RANBP2: variants seen among roughly 807,000 people sequenced by gnomAD.
The protein encoded by RANBP2 is E3 SUMO-protein ligase RanBP2.
Under a neutral mutation model 303.6 loss-of-function variants are expected in RANBP2, and 57 were observed. That is an observed-to-expected ratio of 0.19 (90% CI 0.15 to 0.23). The LOEUF is 0.23. RANBP2 is among the 10% of genes least tolerant of loss of function. The pLI is 1.00. For missense variants in RANBP2, 3,138 were observed against 3,780.8 expected, an observed-to-expected ratio of 0.83 and a Z score of 4.46; for synonymous variants, 1,167 against 1,301.5, an observed-to-expected ratio of 0.90 and a Z score of 2.23.
chr2:109,172,995 G>A, the RANBP2 span, among the ~76,000 whole-genome samples: 1 of 152,214 alleles, frequency 6.6e-6, no homozygotes, highest in Non-Finnish European at 1.5e-5. Context: ...TTGTCTTCAC[G>A]CAGATGTCAG....
At chr2:108,966,545 A>T in the RANBP2 span, among the ~76,000 whole-genome samples, 1 of 152,216 alleles carries the variant, frequency 6.6e-6, no homozygotes, top group South Asian at 2.1e-4. Context: ...CCTGAAGACT[A>T]TGAGGAAGAG....
chr2:109,455,588 A>G, the RANBP2 span, among the ~76,000 whole-genome samples: 1 of 152,220 alleles, frequency 6.6e-6, no homozygotes, highest in Non-Finnish European at 1.5e-5. Context: ...ATGAAACCCC[A>G]GGAACATCCA....
At chr2:109,677,248 C>T in the RANBP2 span, among the ~76,000 whole-genome samples, 12 of 152,186 alleles carry the variant, frequency 7.9e-5, no homozygotes, top group South Asian at 6.2e-4. Context: ...GTGCTCCCCA[C>T]CCTTCAGACC....
chr2:108,911,892 C>A, the RANBP2 span, among the ~76,000 whole-genome samples: 1 of 152,242 alleles, frequency 6.6e-6, no homozygotes, highest in African/African-American at 2.4e-5. Context: ...AGCCTCCCAG[C>A]ATCATCTGGG....
At chr2:109,694,210 T>C in the RANBP2 span, among the ~76,000 whole-genome samples, 1 of 152,134 alleles carries the variant, frequency 6.6e-6, no homozygotes, top group Non-Finnish European at 1.5e-5. Flanking sequence ...TTCCTCAGGA[T>C]AGTGAGTTCT....
chr2:109,407,246 C>G, the RANBP2 span, among the ~76,000 whole-genome samples: 1 of 152,152 alleles, frequency 6.6e-6, no homozygotes, highest in Non-Finnish European at 1.5e-5. Flanking sequence ...AATAAGCAAC[C>G]CTTGGAAATT....
At chr2:109,525,700 C>T in the RANBP2 span, among the ~76,000 whole-genome samples, 8 of 152,122 alleles carry the variant, frequency 5.3e-5, no homozygotes, top group Admixed American at 4.6e-4. Flanking sequence ...TGTAAGATGC[C>T]AGAGAGGAGG....
the RANBP2 span, chr2:109,128,361 G>A: frequency 6.6e-6 from 1 of 152,268 alleles, no homozygotes; most frequent in East Asian, 1.9e-4. Flanking sequence ...GCCGCGGCGG[G>A]CGCTAGAGCC....
the RANBP2 span, among the ~76,000 whole-genome samples, chr2:108,793,672 C>CT: frequency 6.6e-6 from 1 of 151,720 alleles, no homozygotes; most frequent in Non-Finnish European, 1.5e-5. Context: ...TCTGGGCTCA[C>CT]TGTAAGCTCC....
At chr2:109,168,315 T>G in the RANBP2 span, among the ~76,000 whole-genome samples, 1 of 152,174 alleles carries the variant, frequency 6.6e-6, no homozygotes, top group African/African-American at 2.4e-5. Flanking sequence ...TTCTGGTCAT[T>G]TGGTGAGTGA....
the RANBP2 span, chr2:109,491,033 G>C: frequency 5.3e-5 from 64 of 1,205,608 alleles, no homozygotes; most frequent in Non-Finnish European, 6.9e-5. Context: ...GGCCTTGCTG[G>C]GATTAGGTTT....
At chr2:109,727,075 C>T in the RANBP2 span, among the ~76,000 whole-genome samples, 2 of 148,550 alleles carry the variant, frequency 1.3e-5, no homozygotes, top group Non-Finnish European at 1.5e-5. Flanking sequence ...CTTCCTAAAC[C>T]ACAAGCACTG....
the RANBP2 span, among the ~76,000 whole-genome samples, chr2:109,140,380 TCTTGC>T: frequency 7.2e-5 from 11 of 152,090 alleles, no homozygotes; most frequent in African/African-American, 2.7e-4. Context: ...TTCAGAAATT[TCTTGC>T]CTTTTTTTTT....
the RANBP2 span, among the ~76,000 whole-genome samples, chr2:109,421,408 C>T: frequency 8.3e-4 from 126 of 152,318 alleles, no homozygotes; most frequent in Admixed American, 5.7e-3. Flanking sequence ...CAGCTTGAGG[C>T]GAGCTCAAGG....
chr2:108,912,734 T>C, the RANBP2 span: 1 of 1,602,080 alleles, frequency 6.2e-7, no homozygotes, highest in Non-Finnish European at 8.5e-7. Context: ...GCCAGGGAAG[T>C]TGGCAGAAGC....
downstream of RANBP2, among the ~76,000 whole-genome samples, chr2:108,786,333 A>G (rs1678705629): frequency 6.6e-6 from 1 of 150,964 alleles, no homozygotes; most frequent in Non-Finnish European, 1.5e-5. Flanking sequence ...GGCTCAAAGC[A>G]ATGCTCCCGC....
chr2:109,207,574 A>G, the RANBP2 span, among the ~76,000 whole-genome samples: 1 of 152,226 alleles, frequency 6.6e-6, no homozygotes, highest in South Asian at 2.1e-4. Context: ...TTTGTGTGCT[A>G]TTAAGATATT....
chr2:109,544,240 C>T, the RANBP2 span: 7 of 1,612,074 alleles, frequency 4.3e-6, no homozygotes, highest in Admixed American at 1.2e-4. Context: ...AAAATCAAAG[C>T]ACACTTCTAG....
the RANBP2 span, among the ~76,000 whole-genome samples, chr2:109,447,913 G>A: frequency 6.6e-6 from 1 of 152,210 alleles, no homozygotes; most frequent in Non-Finnish European, 1.5e-5. Flanking sequence ...TTGTAAACCT[G>A]GAAGCCCGGT....
Sources: gnomAD v4.1 joint callset for allele counts (sites outside exome capture counted in the v4.1 genomes callset) on GRCh38, gnomAD v4.1.1 for gene constraint, MANE v1.5 for transcripts, NCBI Gene and HGNC (gene_info 2026-07-23, HGNC 2026-07-21) for gene names.